AOPEP: variants seen among roughly 807,000 people sequenced by gnomAD.
AOPEP encodes the protein aminopeptidase O.
Under a neutral mutation model 98.1 loss-of-function variants are expected in AOPEP, and 77 were observed. The observed-to-expected ratio is 0.78, with a 90% CI of 0.65 to 0.95. The LOEUF (loss-of-function observed/expected upper bound fraction) is 0.95. Ranked by LOEUF, AOPEP falls within the 40% of genes least tolerant of loss-of-function variation. The pLI is 0.00. For synonymous variants in AOPEP, 346 were observed against 365.3 expected, an observed-to-expected ratio of 0.95 and a Z score of 0.60; for missense variants, 1,024 against 1,024.7, an observed-to-expected ratio of 1.00 and a Z score of 0.01.
At chr9:94,879,837 C>A (rs565104055) in intron 5 of AOPEP, among the ~76,000 whole-genome samples, 1 of 152,136 alleles carries the variant, frequency 6.6e-6, no homozygotes, top group African/African-American at 2.4e-5. Context: ...GGAACATATA[C>A]CTCACCAATT....
intron 13 of AOPEP, among the ~76,000 whole-genome samples, chr9:95,016,547 T>A (rs939319501): frequency 1.1e-4 from 16 of 151,890 alleles, no homozygotes; most frequent in Non-Finnish European, 1.5e-5. Flanking sequence ...CAGGCCCTTT[T>A]GTGATTTTTG....
At chr9:95,100,595 T>C in the AOPEP span, 9 of 230,790 alleles carry the variant, frequency 3.9e-5, no homozygotes, top group African/African-American at 2.0e-4. Context: ...AAGCACCCTG[T>C]ACTGACATGA....
chr9:95,110,375 T>C, the AOPEP span: 10 of 1,022,760 alleles, frequency 9.8e-6, no homozygotes, highest in Non-Finnish European at 1.2e-5. Context: ...TTAAAAACCA[T>C]ATGTGCCCCG....
intron 5 of AOPEP, among the ~76,000 whole-genome samples, chr9:94,838,780 G>T (rs182035011): frequency 8.5e-5 from 13 of 152,076 alleles, no homozygotes; most frequent in Admixed American, 6.5e-4. Context: ...TTATTTAGAG[G>T]TTCTATTGTT....
chr9:95,017,292 G>A (rs1043632275), intron 13 of AOPEP, among the ~76,000 whole-genome samples: 5 of 152,070 alleles, frequency 3.3e-5, no homozygotes, highest in African/African-American at 9.7e-5. Context: ...TCATCATGGT[G>A]AGAACATCAT....
downstream of AOPEP, among the ~76,000 whole-genome samples, chr9:95,088,255 G>A (rs886981378): frequency 2.0e-5 from 3 of 151,752 alleles, no homozygotes; most frequent in Admixed American, 1.3e-4. Context: ...TGTTGCGCAG[G>A]CTGGAATGCA....
At chr9:94,857,949 C>T (rs147407008) in intron 5 of AOPEP, among the ~76,000 whole-genome samples, 13 of 151,954 alleles carry the variant, frequency 8.6e-5, no homozygotes, top group African/African-American at 3.1e-4. Flanking sequence ...CACAGGATCT[C>T]ACTGCGTACA....
chr9:94,874,505 A>T (rs556739594), intron 5 of AOPEP, among the ~76,000 whole-genome samples: 2 of 152,356 alleles, frequency 1.3e-5, no homozygotes, highest in East Asian at 3.9e-4. Context: ...CACTTAGCAG[A>T]TTGGGCAGTA....
chr9:95,094,617 TAA>T, the AOPEP span, among the ~76,000 whole-genome samples: 1 of 152,232 alleles, frequency 6.6e-6, no homozygotes, highest in Admixed American at 6.5e-5. Context: ...TCATTTAACA[TAA>T]AGTCTTCCAG....
intron 13 of AOPEP, among the ~76,000 whole-genome samples, chr9:95,057,189 G>C (rs187263713): frequency 6.6e-6 from 1 of 152,274 alleles, no homozygotes; most frequent in African/African-American, 2.4e-5. Context: ...TATTTTTCAC[G>C]ATCACTCTGT....
chr9:95,066,326 T>C (rs1439621090), intron 14 of AOPEP, among the ~76,000 whole-genome samples: 3 of 152,230 alleles, frequency 2.0e-5, no homozygotes, highest in African/African-American at 7.2e-5. Context: ...TAAAGGGATT[T>C]TTTTTTTAAA....
At chr9:95,080,195 G>T (rs1361325636) in intron 14 of AOPEP, among the ~76,000 whole-genome samples, 1 of 152,202 alleles carries the variant, frequency 6.6e-6, no homozygotes, top group African/African-American at 2.4e-5. Context: ...TCTCTCTAAA[G>T]TTGACCAACA....
the AOPEP span, chr9:95,099,358 C>T: frequency 4.4e-6 from 1 of 228,346 alleles, no homozygotes; most frequent in Non-Finnish European, 8.7e-6. Context: ...GGCTTCACGC[C>T]TTGCCATCCC....
intron 13 of AOPEP, among the ~76,000 whole-genome samples, chr9:95,022,530 G>A (rs1230800517): frequency 2.0e-5 from 3 of 152,086 alleles, no homozygotes; most frequent in Admixed American, 2.0e-4. Flanking sequence ...TAGTAGAGAT[G>A]GGGTTTCACC....
intron 1 of AOPEP, among the ~76,000 whole-genome samples, chr9:94,753,449 G>T (rs1024406570): frequency 6.6e-6 from 1 of 152,128 alleles, no homozygotes; most frequent in Non-Finnish European, 1.5e-5. Context: ...AAGGTTATTC[G>T]AGATTGACTT....
At chr9:94,908,291 G>A (rs1247422767) in intron 5 of AOPEP, among the ~76,000 whole-genome samples, 3 of 152,176 alleles carry the variant, frequency 2.0e-5, no homozygotes, top group Admixed American at 6.5e-5. Context: ...TTAAGCTGTG[G>A]CAGAGAGAGC....
chr9:95,048,872 A>C (rs1404170674), intron 13 of AOPEP: 2 of 152,226 alleles, frequency 1.3e-5, no homozygotes, highest in Non-Finnish European at 2.9e-5. Context: ...GCTATCAAGA[A>C]AGTTCACACG....
At position 94,956,901 on chromosome 9, in the gene AOPEP, G is replaced by A. The variant is rs576743807; in HGVS notation, c.1872+886G>A. Among the ~76,000 whole-genome samples the A allele has an allele frequency of 3.9e-5, 6 of 152,318 alleles. No individual in the cohort carries two copies. In the South Asian group the frequency reaches 1.2e-3, roughly 32 times the overall value. On this transcript the variant is annotated intron_variant, in intron 9 of 16. Transcript: ENST00000375315. ...TTGAACACAGATGGAAGAATCACAT[G>A]AGCGTAACAAGACCGGATGGCTGTT...
chr9:94,959,157 C>T (rs1400075153), intron 9 of AOPEP, among the ~76,000 whole-genome samples: 1 of 152,102 alleles, frequency 6.6e-6, no homozygotes, highest in Non-Finnish European at 1.5e-5. Flanking sequence ...CATTCTCCTC[C>T]CTCAGCCTCC....
Sources: allele counts gnomAD v4.1 joint callset (sites outside exome capture counted in the v4.1 genomes callset), GRCh38; gene constraint gnomAD v4.1.1; transcripts MANE v1.5; gene names NCBI Gene and HGNC (gene_info 2026-07-23, HGNC 2026-07-21).